Variants in VRK3 observed in about 807,000 individuals in gnomAD.
VRK3 encodes the protein VRK serine/threonine kinase 3.
A neutral mutation model predicts 60.4 loss-of-function variants in VRK3; 50 were observed. The ratio of observed to expected loss-of-function variants is 0.83; its 90% CI spans 0.66 to 1.05. The LOEUF (loss-of-function observed/expected upper bound fraction) is 1.05. VRK3 is among the 50% of genes least tolerant of loss of function. VRK3 has a pLI of 0.00. For synonymous variants in VRK3, 246 were observed against 227.8 expected (o/e 1.08, Z -0.72); for missense variants, 549 against 585.3 (o/e 0.94, Z 0.64).
intron 1 of VRK3, chr19:50,025,037 C>G (rs1485217780): frequency 6.6e-6 from 1 of 152,258 alleles, no homozygotes; most frequent in African/African-American, 2.4e-5. Flanking sequence ...GAACTTCCCA[C>G]AAGTTCCGCC....
intron 3 of VRK3, among the ~76,000 whole-genome samples, chr19:50,012,793 T>A (rs1276784320): frequency 1.3e-5 from 2 of 151,740 alleles, no homozygotes; most frequent in Non-Finnish European, 2.9e-5. Context: ...GAAAATCGCT[T>A]GAACCTGGGA....
At chr19:50,024,266 A>G (rs2077224974) in intron 1 of VRK3, among the ~76,000 whole-genome samples, 1 of 152,136 alleles carries the variant, frequency 6.6e-6, no homozygotes, top group African/African-American at 2.4e-5. Flanking sequence ...AACCTATTAC[A>G]TATTACAACA....
chr19:50,006,189 A>T (rs2076887698), intron 5 of VRK3, among the ~76,000 whole-genome samples: 1 of 151,612 alleles, frequency 6.6e-6, no homozygotes. Context: ...ATGCGCTTGT[A>T]ATCTCAGCTA....
chr19:50,014,361 C>CCAGCCGGCCAA, intron 3 of VRK3, among the ~76,000 whole-genome samples: 1 of 152,196 alleles, frequency 6.6e-6, no homozygotes, highest in South Asian at 2.1e-4. Context: ...GAATTTGAGA[C>CCAGCCGGCCAA]CAGCCGGCCA....
intron 7 of VRK3, chr19:49,997,282 C>A: frequency 2.1e-6 from 1 of 473,618 alleles, no homozygotes; most frequent in African/African-American, 2.0e-5. Flanking sequence ...CACGCCCAGC[C>A]TGAAAATTTA....
intron 6 of VRK3, 87 bp downstream of exon 6, chr19:50,000,703 C>T: frequency 1.3e-6 from 2 of 1,492,434 alleles, no homozygotes; most frequent in Non-Finnish European, 1.8e-6. Flanking sequence ...CCGAGCTCTC[C>T]CAGCTGACAG....
intron 12 of VRK3, among the ~76,000 whole-genome samples, chr19:49,985,790 A>T (rs1259016238): frequency 6.6e-6 from 1 of 152,216 alleles, no homozygotes; most frequent in Non-Finnish European, 1.5e-5. Flanking sequence ...GAGTGAAGGT[A>T]GGCTGGGTCC....
At chr19:49,983,676 C>T (rs1054521465) in intron 12 of VRK3, among the ~76,000 whole-genome samples, 2 of 152,258 alleles carry the variant, frequency 1.3e-5, no homozygotes, top group African/African-American at 4.8e-5. Context: ...CCTTCTTTTA[C>T]TCATTTTGTC....
chr19:50,017,204 AAAAC>A (rs965117888), intron 2 of VRK3, among the ~76,000 whole-genome samples: 5 of 152,070 alleles, frequency 3.3e-5, no homozygotes, highest in African/African-American at 1.2e-4. Flanking sequence ...TCAAACAAAC[AAAAC>A]AAACAGCAGC....
intron 11 of VRK3, among the ~76,000 whole-genome samples, 194 bp from the exon 12 acceptor site, chr19:49,988,686 CTCA>C (rs2123077289): frequency 6.6e-6 from 1 of 152,340 alleles, no homozygotes; most frequent in South Asian, 2.1e-4. Context: ...CTCTCTCTCA[CTCA>C]ACCATTCTCT....
intron 3 of VRK3, among the ~76,000 whole-genome samples, chr19:50,012,898 T>A (rs901036363): frequency 2.7e-5 from 4 of 149,018 alleles, no homozygotes; most frequent in Admixed American, 1.3e-4. Flanking sequence ...CCGGGCGCAG[T>A]GGCTCACACC....
At chr19:49,985,795 G>T (rs1187639841) in intron 12 of VRK3, among the ~76,000 whole-genome samples, 2 of 152,202 alleles carry the variant, frequency 1.3e-5, no homozygotes, top group African/African-American at 4.8e-5. Context: ...AAGGTAGGCT[G>T]GGTCCAGGAA....
intron 12 of VRK3, chr19:49,988,164 G>C: frequency 1.7e-6 from 1 of 594,140 alleles, no homozygotes; most frequent in Admixed American, 3.4e-5. Context: ...GGTGGTGCCA[G>C]AGTCTGAGCC....
At chr19:49,982,777 A>T (rs2076445713) in intron 12 of VRK3, among the ~76,000 whole-genome samples, 1 of 152,232 alleles carries the variant, frequency 6.6e-6, no homozygotes, top group South Asian at 2.1e-4. Context: ...ATATATGTAT[A>T]ACACAAACAC....
chr19:49,995,109 C>T (rs964697981), intron 8 of VRK3, 82 bp downstream of exon 8: 20 of 1,478,412 alleles, frequency 1.4e-5, no homozygotes, highest in South Asian at 5.9e-5. Context: ...CCCACGGCTT[C>T]GGGGTCCCAG....
chr19:50,006,485 C>T (rs1395882951), intron 5 of VRK3, among the ~76,000 whole-genome samples: 1 of 151,332 alleles, frequency 6.6e-6, no homozygotes, highest in East Asian at 2.0e-4. Flanking sequence ...ACGCCATTCT[C>T]CTGCCTCAGC....
At chr19:50,003,488 G>A (rs568855761) in intron 5 of VRK3, among the ~76,000 whole-genome samples, 3 of 152,306 alleles carry the variant, frequency 2.0e-5, no homozygotes, top group South Asian at 2.1e-4. Flanking sequence ...GTGAGCAGCC[G>A]CACGGATTCA....
At chr19:50,022,803 CAAAT>C (rs1317532089) in intron 1 of VRK3, among the ~76,000 whole-genome samples, 2 of 151,888 alleles carry the variant, frequency 1.3e-5, no homozygotes, top group African/African-American at 4.8e-5. Flanking sequence ...CATAAATAAA[CAAAT>C]AAATAAATAA....
At position 50,007,638 on chromosome 19, in the gene VRK3, C is replaced by T; in HGVS notation, c.478G>A (p.Asp160Asn). The T allele has an allele frequency of 6.2e-7, 1 of 1,614,210 alleles. No homozygotes were observed. Among genetic ancestry groups the T allele is most frequent in the South Asian group, 1.1e-5 (1 of 91,082 alleles). ...EALPTGTVLT[D>N]KSGRQWKLKS... ...AGCTTCCACTGTCGCCCACTCTTGT[C>T]TGTCAGCACTGTCCCTGTGGGCAAA... Residue 160 changes from aspartate (D) to asparagine (N), a missense_variant, in exon 5 of 15, where the codon GAC becomes AAC. Physicochemically the swap from Asp to Asn is conservative, Grantham distance 23 (BLOSUM62 1). Transcript: ENST00000316763.
Sources: allele counts gnomAD v4.1 joint callset (sites outside exome capture counted in the v4.1 genomes callset), GRCh38; gene constraint gnomAD v4.1.1; transcripts MANE v1.5; gene names NCBI Gene and HGNC (gene_info 2026-07-23, HGNC 2026-07-21).